The following UNC5D variants were observed in gnomAD, a reference collection of about 807,000 sequenced individuals.
The protein encoded by UNC5D is netrin receptor UNC5D.
Under a neutral mutation model 105.4 loss-of-function variants are expected in UNC5D, and 39 were observed. That is an observed-to-expected ratio of 0.37 (90% CI 0.29 to 0.48). The LOEUF (loss-of-function observed/expected upper bound fraction) is 0.48, where lower values mean the gene tolerates loss of function less well. UNC5D is among the 20% of genes least tolerant of loss of function. The pLI, the probability that UNC5D is intolerant of heterozygous loss-of-function variation, is 0.98. For missense variants in UNC5D, 991 were observed against 1,202.4 expected (o/e 0.82, Z 2.60); for synonymous variants, 452 against 450.4 (o/e 1.00, Z -0.04).
At chr8:35,292,505 A>G (rs953054111) in intron 1 of UNC5D, among the ~76,000 whole-genome samples, 1 of 152,196 alleles carries the variant, frequency 6.6e-6, no homozygotes, top group Non-Finnish European at 1.5e-5. Context: ...TGGTTAAAAA[A>G]GCAACTTGAA....
At chr8:35,725,053 G>A (rs1416886553) in intron 9 of UNC5D, among the ~76,000 whole-genome samples, 3 of 152,186 alleles carry the variant, frequency 2.0e-5, no homozygotes, top group South Asian at 2.1e-4. Flanking sequence ...CAAGAGATGG[G>A]AAAAGTCAGG....
At chr8:35,323,126 G>A (rs1338820473) in intron 1 of UNC5D, among the ~76,000 whole-genome samples, 2 of 149,948 alleles carry the variant, frequency 1.3e-5, no homozygotes, top group African/African-American at 4.9e-5. Flanking sequence ...TTAATTTATT[G>A]CATCTCTGAC....
chr8:35,497,760 G>A (rs1366543081), intron 1 of UNC5D, among the ~76,000 whole-genome samples: 1 of 151,948 alleles, frequency 6.6e-6, no homozygotes, highest in Non-Finnish European at 1.5e-5. Context: ...ACCGAGAAAA[G>A]GGTGTCCATT....
intron 1 of UNC5D, among the ~76,000 whole-genome samples, chr8:35,443,359 C>G (rs1807563151): frequency 1.3e-5 from 2 of 151,574 alleles, no homozygotes; most frequent in African/African-American, 2.4e-5. Flanking sequence ...GTGGGAGTCA[C>G]AGACTCCCAC....
chr8:35,603,474 A>G lies in UNC5D; in HGVS notation c.570+7817A>G, dbSNP rs550030756. On this transcript the variant is annotated intron_variant, in intron 4 of 16. Coordinates refer to ENST00000404895, the MANE Select transcript of UNC5D (RefSeq NM_080872.4). ...TGCTTTACTTCCAACTATGTGGTCA[A>G]TTTTGGAATAGGTGTGGTGTGGTGC... is the stretch of plus-strand genomic sequence containing the variant. Among the ~76,000 whole-genome samples, 451 of 152,212 alleles carry G rather than the reference A, an allele frequency of 3.0e-3. 2 individuals are homozygous for G. The highest frequency in any genetic ancestry group is 9.5e-3 in the African/African-American group (396 of 41,514).
Position 35,544,391 on chromosome 8 carries a change from G to A in UNC5D, c.104-4901G>A, listed in dbSNP as rs1439853038. On this transcript the variant is annotated intron_variant, in intron 1 of 16. Coordinates refer to ENST00000404895, the MANE Select transcript of UNC5D (RefSeq NM_080872.4). ...AAATAACAGAAAATCTATCAGTAGC[G>A]TTAAATAAGTAGGGATTGTTTAAAA... 1.4e-5 allele frequency: 23 copies of A among 1,605,276 alleles called. No homozygotes were observed. In the East Asian group the frequency reaches 1.6e-4, roughly 11 times the overall value.
At chr8:35,589,577 C>A (rs1819026346) in intron 3 of UNC5D, among the ~76,000 whole-genome samples, 1 of 152,066 alleles carries the variant, frequency 6.6e-6, no homozygotes, top group South Asian at 2.1e-4. Flanking sequence ...TAACCATCAT[C>A]AGGGTCAATT....
At chr8:35,267,584 A>C (rs1424350648) in intron 1 of UNC5D, among the ~76,000 whole-genome samples, 2 of 152,030 alleles carry the variant, frequency 1.3e-5, no homozygotes, top group East Asian at 3.9e-4. Context: ...GATTACAGGC[A>C]CCCACCACCA....
Position 35,520,071 on chromosome 8 carries a change from C to T in UNC5D, c.104-29221C>T, listed in dbSNP as rs1361100359. Among the ~76,000 whole-genome samples, 4 of 152,038 alleles carry T rather than the reference C, an allele frequency of 2.6e-5. No homozygotes were observed. The South Asian group carries it at 8.3e-4, about 32-fold the overall frequency. On this transcript the variant is annotated intron_variant, in intron 1 of 16. Transcript: ENST00000404895. Reference sequence around the variant, plus strand: ...CCCAATTTTACACCTAGGTTATACTCTACCCAAGAGAAATGAAACACATGT... The same window carrying T: ...CCCAATTTTACACCTAGGTTATACTTTACCCAAGAGAAATGAAACACATGT...
At chr8:35,242,686 G>A (rs1293847533) in intron 1 of UNC5D, among the ~76,000 whole-genome samples, 1 of 152,012 alleles carries the variant, frequency 6.6e-6, no homozygotes, top group Non-Finnish European at 1.5e-5. Flanking sequence ...CGTTGGTCAG[G>A]CTGGTCTCAA....
chr8:35,527,838 G>A (rs947317050), intron 1 of UNC5D, among the ~76,000 whole-genome samples: 1 of 151,900 alleles, frequency 6.6e-6, no homozygotes, highest in South Asian at 2.1e-4. Context: ...GGCCTCTCCT[G>A]TTTCTTCTAA....
In UNC5D at chr8:35,549,399, A is replaced by G. The variant is rs139425313; in HGVS notation, c.211A>G (p.Ile71Val). 69 of 1,613,336 alleles carry G rather than the reference A, an allele frequency of 4.3e-5. 1 individual carries two copies. In the African/African-American group the frequency reaches 8.1e-4, roughly 19 times the overall value. ...DDAYIIKSNPIALRCKARPAM... is the reference protein window; with the variant it reads ...DDAYIIKSNPVALRCKARPAM... ...TGCTTATATTATCAAGAGCAACCCT[A>G]TTGCACTCAGGTGCAAAGCGAGGCC... Residue 71 changes from isoleucine (I) to valine (V), a missense_variant, in exon 2 of 17, where the codon ATT becomes GTT. By Grantham distance (29) the Ile-to-Val change is conservative (BLOSUM62 3). Transcript: ENST00000404895.
chr8:35,262,643 G>A (rs1462896947), intron 1 of UNC5D, among the ~76,000 whole-genome samples: 1 of 152,184 alleles, frequency 6.6e-6, no homozygotes, highest in African/African-American at 2.4e-5. Context: ...TTCTGGGATT[G>A]AGAATTACAA....
chr8:35,308,061 C>T (rs181877331), intron 1 of UNC5D, among the ~76,000 whole-genome samples: 31 of 151,414 alleles, frequency 2.0e-4, no homozygotes, highest in African/African-American at 7.3e-4. Context: ...GAAGGAAATG[C>T]TTGCTATATA....
intron 1 of UNC5D, among the ~76,000 whole-genome samples, chr8:35,470,685 C>T (rs942806590): frequency 1.1e-4 from 17 of 151,014 alleles, no homozygotes; most frequent in Non-Finnish European, 2.4e-4. Context: ...GGGAGGATCA[C>T]TTGAGCCCAG....
At chr8:35,343,769 A>G (rs1811619791) in intron 1 of UNC5D, among the ~76,000 whole-genome samples, 1 of 152,128 alleles carries the variant, frequency 6.6e-6, no homozygotes, top group African/African-American at 2.4e-5. Context: ...GTTAGCCATC[A>G]TTTGGTTTTC....
At chr8:35,388,319 G>A (rs545585144) in intron 1 of UNC5D, among the ~76,000 whole-genome samples, 18 of 151,972 alleles carry the variant, frequency 1.2e-4, no homozygotes, top group African/African-American at 1.9e-4. Flanking sequence ...AGCCAAGATC[G>A]CACTGTTGCA....
intron 9 of UNC5D, chr8:35,724,268 C>T: frequency 6.5e-7 from 1 of 1,534,796 alleles, no homozygotes; most frequent in Non-Finnish European, 8.7e-7. Context: ...TATCATGGAA[C>T]TAATGATACA....
intron 16 of UNC5D, among the ~76,000 whole-genome samples, chr8:35,777,030 C>A (rs918764090): frequency 6.6e-6 from 1 of 152,082 alleles, no homozygotes; most frequent in African/African-American, 2.4e-5. Flanking sequence ...CCAAGGTGGG[C>A]GGATCACGAG....
Sources: gnomAD v4.1 joint callset for allele counts (sites outside exome capture counted in the v4.1 genomes callset) on GRCh38, gnomAD v4.1.1 for gene constraint, MANE v1.5 for transcripts, NCBI Gene and HGNC (gene_info 2026-07-23, HGNC 2026-07-21) for gene names.